Variants in RTTN observed in about 807,000 individuals in gnomAD.
The protein encoded by RTTN is rotatin.
A neutral mutation model predicts 269.2 loss-of-function variants in RTTN; 182 were observed. The ratio of observed to expected loss-of-function variants is 0.68; its 90% CI spans 0.60 to 0.76. The LOEUF (loss-of-function observed/expected upper bound fraction) is 0.76, where lower values mean the gene tolerates loss of function less well. Ranked by LOEUF, RTTN falls within the 30% of genes least tolerant of loss-of-function variation. The pLI is 0.00. For missense variants in RTTN, 2,545 were observed against 2,608.6 expected, an observed-to-expected ratio of 0.98 and a Z score of 0.53; for synonymous variants, 1,006 against 963.5, an observed-to-expected ratio of 1.04 and a Z score of -0.82.
rs1441317761 is a variant in RTTN, at chr18:70,004,074, C to T, written c.*77G>A. ...GAGGTAGCACGTCTTCAGGTAACAG[C>T]TGCTACACACAGCTGGCTTCAACTT... is the stretch of plus-strand genomic sequence containing the variant. On this transcript the variant is annotated 3_prime_UTR_variant, in exon 49 of 49. Transcript: ENST00000640769. 9.3e-7 allele frequency: 1 copy of T among 1,072,926 alleles called. No individual in the cohort carries two copies. The highest frequency in any genetic ancestry group is 1.4e-6 in the Non-Finnish European group (1 of 692,386). The allele number at this position is 1,072,926 out of a possible 1,614,324, so 66.5% of individuals were successfully genotyped here.
intron 24 of RTTN, chr18:70,128,148 T>G: frequency 3.9e-6 from 2 of 508,660 alleles, no homozygotes; most frequent in South Asian, 5.9e-5. Context: ...AGTAAAATGC[T>G]TTTTCATTTA....
At position 70,205,282 on chromosome 18, in the gene RTTN, A is replaced by C. The variant is rs758646688; in HGVS notation, c.65T>G (p.Leu22Arg). ...HQLAEIRERA[L>R]KSILCKIEHN... ...CTCAATCTTGCAGAGAATACTCTTG[A>C]GAGCGCGCTCCCTGATCTCGGCCAG... The change falls in exon 2 of 49, where the codon CTC (leucine) becomes CGC (arginine). Residue 22 changes from leucine to arginine, a missense_variant. Leu to Arg is a moderately radical substitution (Grantham distance 102, BLOSUM62 -2). Coordinates refer to ENST00000640769, the MANE Select transcript of RTTN (RefSeq NM_173630.4). 1 of 1,614,234 alleles carries C rather than the reference A, an allele frequency of 6.2e-7. No individual in the cohort carries two copies. Among genetic ancestry groups the C allele is most frequent in the Admixed American group, 1.7e-5 (1 of 60,028 alleles).
At chr18:70,101,846 T>C (rs1485734799) in intron 28 of RTTN, among the ~76,000 whole-genome samples, 2 of 152,240 alleles carry the variant, frequency 1.3e-5, no homozygotes, top group Non-Finnish European at 1.5e-5. Context: ...CCAGTAGTCA[T>C]TCAGGAGCAG....
chr18:70,010,618 GCT>G (rs1186875608), intron 46 of RTTN, among the ~76,000 whole-genome samples: 1 of 152,134 alleles, frequency 6.6e-6, no homozygotes, highest in Non-Finnish European at 1.5e-5. Flanking sequence ...AGCACAAAAT[GCT>G]CACAGGTGAA....
In RTTN at chr18:70,004,123, A is replaced by G. The variant is rs772118686; in HGVS notation, c.*28T>C. ...TTTAGCTCCCCTGTTGATGACTGTCAGCTTCAAGGTGTAGCATCCCATGGC... is the reference window on the plus strand; with the variant it reads ...TTTAGCTCCCCTGTTGATGACTGTCGGCTTCAAGGTGTAGCATCCCATGGC... On this transcript the variant is annotated 3_prime_UTR_variant, in exon 49 of 49. Transcript: ENST00000640769. 4 of 1,569,914 alleles carry G rather than the reference A, an allele frequency of 2.5e-6. No individual in the cohort carries two copies. The highest frequency in any genetic ancestry group is 3.5e-6 in the Non-Finnish European group (4 of 1,140,230).
chr18:70,033,526 A>G (rs1445058983), intron 40 of RTTN, among the ~76,000 whole-genome samples: 5 of 152,352 alleles, frequency 3.3e-5, no homozygotes, highest in Admixed American at 1.3e-4. Context: ...CTTTGAAACT[A>G]ATGAGAACAA....
chr18:70,108,972 T>C (rs1023002812), intron 28 of RTTN, among the ~76,000 whole-genome samples: 1 of 152,190 alleles, frequency 6.6e-6, no homozygotes, highest in African/African-American at 2.4e-5. Flanking sequence ...AAAAATTGGC[T>C]ATATTTACAT....
chr18:70,140,223 C>T (rs888944046), intron 19 of RTTN, 35 bp from the exon 20 acceptor site: 3 of 1,255,240 alleles, frequency 2.4e-6, no homozygotes, highest in African/African-American at 3.0e-5. Context: ...AGTTAAAGCA[C>T]ATTTTTTGTA....
intron 40 of RTTN, 112 bp downstream of exon 40, chr18:70,047,859 C>T: frequency 1.3e-6 from 1 of 791,168 alleles, no homozygotes; most frequent in South Asian, 1.8e-5. Context: ...TCATAATAAG[C>T]ATTACTATTT....
intron 40 of RTTN, among the ~76,000 whole-genome samples, chr18:70,032,987 T>G (rs1191955326): frequency 6.6e-6 from 1 of 152,258 alleles, no homozygotes; most frequent in Non-Finnish European, 1.5e-5. Context: ...GGTTTGGATC[T>G]GTGTCCCCAC....
At chr18:70,079,843 T>C (rs1051404119) in intron 32 of RTTN, among the ~76,000 whole-genome samples, 1 of 152,154 alleles carries the variant, frequency 6.6e-6, no homozygotes, top group Non-Finnish European at 1.5e-5. Flanking sequence ...ATGCATATTA[T>C]ACTCCTAGTG....
At chr18:70,101,130 G>A (rs1418792626) in intron 28 of RTTN, among the ~76,000 whole-genome samples, 2 of 152,124 alleles carry the variant, frequency 1.3e-5, no homozygotes, top group African/African-American at 4.8e-5. Flanking sequence ...TCTATTGACT[G>A]GAATAGTTTC....
chr18:70,143,587 G>A (rs1370395353), intron 18 of RTTN, among the ~76,000 whole-genome samples: 1 of 152,040 alleles, frequency 6.6e-6, no homozygotes, highest in Admixed American at 6.6e-5. Context: ...GGACACTGGG[G>A]CCTGCCTGAG....
chr18:70,006,364 T>C lies in RTTN; in HGVS notation c.6525+17A>G. 2.5e-6 allele frequency: 4 copies of C among 1,588,812 alleles called. No homozygotes were observed. The highest frequency in any genetic ancestry group is 3.5e-6 in the Non-Finnish European group (4 of 1,156,944). On this transcript the variant is annotated intron_variant, in intron 47 of 48. Coordinates refer to ENST00000640769, the MANE Select transcript of RTTN (RefSeq NM_173630.4). ...GTTGTTTGCTCCCCAGGTGTAACAA[T>C]GATTTTTAAAACTGACCTTCTGATA...
chr18:70,094,812 G>C (rs2058953623), intron 28 of RTTN, among the ~76,000 whole-genome samples: 1 of 152,016 alleles, frequency 6.6e-6, no homozygotes, highest in South Asian at 2.1e-4. Context: ...GCTTGGTCCA[G>C]AGCTGAGTTC....
intron 32 of RTTN, among the ~76,000 whole-genome samples, chr18:70,082,507 G>A (rs758891603): frequency 4.6e-5 from 7 of 152,056 alleles, no homozygotes; most frequent in Non-Finnish European, 8.8e-5. Context: ...TCAGGGATAC[G>A]GATTTCTGAC....
chr18:70,079,194 C>A (rs985634630), intron 32 of RTTN, among the ~76,000 whole-genome samples: 5 of 151,306 alleles, frequency 3.3e-5, no homozygotes, highest in African/African-American at 1.2e-4. Flanking sequence ...GCTCTATTAG[C>A]TTTTTTTTAA....
intron 17 of RTTN, among the ~76,000 whole-genome samples, chr18:70,146,817 C>A (rs751455781): frequency 6.6e-6 from 1 of 152,212 alleles, no homozygotes; most frequent in Admixed American, 6.5e-5. Context: ...ATAAATACTT[C>A]CTGAATCAAA....
Position 70,168,846 on chromosome 18 carries a change from G to T in RTTN, c.1689+9C>A. On this transcript the variant is annotated intron_variant, in intron 12 of 48. Transcript: ENST00000640769. ...GGGATTTAAAAGAGATATTAAAAAA[G>T]CTTTTTACCTCTTTCCCAATATCAG... 1 of 1,583,978 alleles carries T rather than the reference G, an allele frequency of 6.3e-7. No individual in the cohort carries two copies. Among genetic ancestry groups the T allele is most frequent in the Non-Finnish European group, 8.6e-7 (1 of 1,165,124 alleles).
Sources: gnomAD v4.1 joint callset for allele counts (sites outside exome capture counted in the v4.1 genomes callset) on GRCh38, gnomAD v4.1.1 for gene constraint, MANE v1.5 for transcripts, NCBI Gene and HGNC (gene_info 2026-07-23, HGNC 2026-07-21) for gene names.